Variants in FBXW2 observed in about 807,000 individuals in gnomAD.
FBXW2 encodes the protein F-box/WD repeat-containing protein 2.
Under a neutral mutation model 46.0 loss-of-function variants are expected in FBXW2, and 12 were observed. That is an observed-to-expected ratio of 0.26 (90% CI 0.17 to 0.42). The LOEUF is 0.42. Ranked by LOEUF, FBXW2 falls within the 10% of genes least tolerant of loss-of-function variation. The probability of loss-of-function intolerance (pLI) is 1.00; values close to 1 mark genes in which losing one functional copy is unlikely to be tolerated. For missense variants in FBXW2, 360 were observed against 537.0 expected (o/e 0.67, Z 3.26); for synonymous variants, 203 against 209.6 (o/e 0.97, Z 0.27).
At position 120,764,399 on chromosome 9, in the gene FBXW2, C is replaced by T. The variant is rs1350938449; in HGVS notation, c.*160G>A. 6 of 764,286 alleles carry T rather than the reference C, an allele frequency of 7.9e-6. No individual in the cohort carries two copies. The highest frequency in any genetic ancestry group is 3.7e-5 in the South Asian group (2 of 53,820). 47.3% of individuals were successfully genotyped at this position (764,286 alleles called of 1,614,324 possible). ...CAATAAAACAAGCCCTCCCCCACCC[C>T]GAGCCCTGGCCCCTGGCAAAACATA... On this transcript the variant is annotated 3_prime_UTR_variant, in exon 8 of 8. Transcript: ENST00000608872.
At chr9:120,784,611 T>C (rs977526806) in intron 3 of FBXW2, among the ~76,000 whole-genome samples, 2 of 147,178 alleles carry the variant, frequency 1.4e-5, no homozygotes, top group African/African-American at 5.1e-5. Flanking sequence ...TGAGAGGTTG[T>C]CTCCAAAAAA....
At chr9:120,771,787 G>A (rs903294244) in intron 6 of FBXW2, among the ~76,000 whole-genome samples, 4 of 152,142 alleles carry the variant, frequency 2.6e-5, no homozygotes, top group South Asian at 2.1e-4. Context: ...GGCCAGGCAC[G>A]GTGGCTCGCG....
At chr9:120,785,409 G>A (rs748479920) in intron 3 of FBXW2, among the ~76,000 whole-genome samples, 52 of 152,186 alleles carry the variant, frequency 3.4e-4, no homozygotes, top group Admixed American at 6.5e-4. Context: ...AACTGGTGAT[G>A]TTGTTCTAGT....
At chr9:120,784,262 T>A (rs938708000) in intron 3 of FBXW2, among the ~76,000 whole-genome samples, 11 of 152,154 alleles carry the variant, frequency 7.2e-5, no homozygotes, top group African/African-American at 4.8e-5. Context: ...TCCAAGTAAC[T>A]GCAGTTTTTA....
At chr9:120,773,822 C>G (rs997457080) in intron 5 of FBXW2, among the ~76,000 whole-genome samples, 3 of 152,204 alleles carry the variant, frequency 2.0e-5, no homozygotes, top group African/African-American at 7.2e-5. Flanking sequence ...AAGACATCAC[C>G]GTCAGTGTCC....
At chr9:120,771,024 T>C (rs1252132204) in intron 7 of FBXW2, among the ~76,000 whole-genome samples, 1 of 152,220 alleles carries the variant, frequency 6.6e-6, no homozygotes, top group African/African-American at 2.4e-5. Context: ...ACTTAAAATA[T>C]TAGAACTTAT....
chr9:120,789,497 T>C (rs2044790419), intron 2 of FBXW2, among the ~76,000 whole-genome samples: 1 of 152,258 alleles, frequency 6.6e-6, no homozygotes, highest in South Asian at 2.1e-4. Flanking sequence ...TATGTGTTGA[T>C]AGATGTTAAT....
intron 3 of FBXW2, among the ~76,000 whole-genome samples, chr9:120,783,374 G>A (rs967063582): frequency 6.6e-6 from 1 of 152,084 alleles, no homozygotes; most frequent in Non-Finnish European, 1.5e-5. Context: ...GCATAGAGGT[G>A]AAAGAGGACT....
Position 120,761,999 on chromosome 9 carries a change from G to T in FBXW2, c.*2560C>A, listed in dbSNP as rs2044202808. The T allele has an allele frequency of 6.6e-6, 1 of 152,172 alleles. No homozygotes were observed. The highest frequency in any genetic ancestry group is 1.5e-5 in the Non-Finnish European group (1 of 68,046). The allele number at this position is 152,172 out of a possible 1,614,324, so 9.4% of individuals were successfully genotyped here. A position where few individuals can be genotyped will look rare whatever the true frequency, so the allele number is the denominator to read the frequency against. ...ATAGATCTGAAAGTGAGGTAGGGTG[G>T]GGATGGTCATTAGATCAGTAATAGT... On this transcript the variant is annotated 3_prime_UTR_variant, in exon 8 of 8. Transcript: ENST00000608872.
At chr9:120,772,183 T>C (rs2044391474) in intron 6 of FBXW2, among the ~76,000 whole-genome samples, 1 of 150,788 alleles carries the variant, frequency 6.6e-6, no homozygotes, top group South Asian at 2.1e-4. Context: ...TTAAGGACGG[T>C]AGGAGATATG....
In FBXW2 at chr9:120,787,760, A is replaced by G. The variant is rs755451733; in HGVS notation, c.490+9T>C. On this transcript the variant is annotated intron_variant, in intron 3 of 7. Transcript: ENST00000608872. ...ACAAAACCCAAAAAGCAGTTTCAAC[A>G]TCTCTTACCTGTACAGAGAAGTCCA... is the stretch of plus-strand genomic sequence containing the variant. 8.8e-6 allele frequency: 14 copies of G among 1,590,872 alleles called. No homozygotes were observed. The Middle Eastern group carries it at 1.2e-3, about 134-fold the overall frequency.
chr9:120,765,892 A>G (rs372295125), intron 7 of FBXW2, among the ~76,000 whole-genome samples: 105 of 152,312 alleles, frequency 6.9e-4, no homozygotes, highest in African/African-American at 2.4e-3. Context: ...CAAGACATCA[A>G]TGACAAAGGC....
rs550177973 is a variant in FBXW2 at position 120,772,217 on chromosome 9, G to A, written c.906+537C>T. 5.3e-5 allele frequency among the ~76,000 whole-genome samples: 8 copies of A among 151,886 alleles called. No individual in the cohort carries two copies. In the East Asian group the frequency reaches 9.7e-4, roughly 18 times the overall value. Reference sequence around the variant, plus strand: ...TGTAAAAAAGTATTAAGAATGGGCCGGGCGTGGTGGCTCATGCCTGTAATT... The same window carrying A: ...TGTAAAAAAGTATTAAGAATGGGCCAGGCGTGGTGGCTCATGCCTGTAATT... On this transcript the variant is annotated intron_variant, in intron 6 of 7. Transcript: ENST00000608872.
At position 120,762,876 on chromosome 9, in the gene FBXW2, C is replaced by T. The variant is rs1309014279; in HGVS notation, c.*1683G>A. On this transcript the variant is annotated 3_prime_UTR_variant, in exon 8 of 8. Transcript: ENST00000608872. ...TGTGAATGAAATACATCCCTCCCCA[C>T]CACCCTTGTAATACAAGGGGAGACA... is the stretch of plus-strand genomic sequence containing the variant. 6.6e-6 allele frequency: 1 copy of T among 152,206 alleles called. No individual in the cohort carries two copies. Among genetic ancestry groups the T allele is most frequent in the Non-Finnish European group, 1.5e-5 (1 of 68,050 alleles). The allele number at this position is 152,206 out of a possible 1,614,324, so 9.4% of individuals were successfully genotyped here.
At position 120,759,638 on chromosome 9, in the gene FBXW2, T is replaced by C. The variant is rs954025725; in HGVS notation, c.*4921A>G. 1 of 152,216 alleles carries C rather than the reference T, an allele frequency of 6.6e-6. No homozygotes were observed. Among genetic ancestry groups the C allele is most frequent in the African/African-American group, 2.4e-5 (1 of 41,456 alleles). The allele number at this position is 152,216 out of a possible 1,614,324, so 9.4% of individuals were successfully genotyped here. On this transcript the variant is annotated 3_prime_UTR_variant, in exon 8 of 8. Coordinates refer to ENST00000608872, the MANE Select transcript of FBXW2 (RefSeq NM_012164.4). ...GAAATATGCCTGTTCACAATCTGAG[T>C]ACAAAGACACCAAAACATGAGCTTT...
intron 3 of FBXW2, among the ~76,000 whole-genome samples, chr9:120,780,570 G>C (rs1270146168): frequency 6.6e-6 from 1 of 152,166 alleles, no homozygotes; most frequent in African/African-American, 2.4e-5. Flanking sequence ...TACTGTACCG[G>C]AGAGCGTAAG....
chr9:120,782,433 C>T (rs912168948), intron 3 of FBXW2, among the ~76,000 whole-genome samples: 2 of 151,832 alleles, frequency 1.3e-5, no homozygotes, highest in African/African-American at 4.8e-5. Context: ...CCACTGCACT[C>T]CAGCCTGGGC....
chr9:120,766,728 G>A (rs2044282827), intron 7 of FBXW2, among the ~76,000 whole-genome samples: 1 of 152,202 alleles, frequency 6.6e-6, no homozygotes, highest in African/African-American at 2.4e-5. Flanking sequence ...CCAAAGTGCT[G>A]GGATTACAGG....
chr9:120,765,237 G>A (rs1233687263), intron 7 of FBXW2, among the ~76,000 whole-genome samples: 3 of 151,878 alleles, frequency 2.0e-5, no homozygotes, highest in African/African-American at 7.3e-5. Context: ...TGGGACTACA[G>A]ACGGCTGCCA....
Sources: allele counts gnomAD v4.1 joint callset (sites outside exome capture counted in the v4.1 genomes callset), GRCh38; gene constraint gnomAD v4.1.1; transcripts MANE v1.5; gene names NCBI Gene and HGNC (gene_info 2026-07-23, HGNC 2026-07-21).